Variants in DOCK8 observed in about 807,000 individuals in gnomAD.
DOCK8 encodes the protein dedicator of cytokinesis 8.
A neutral mutation model predicts 245.6 loss-of-function variants in DOCK8; 141 were observed. The ratio of observed to expected loss-of-function variants is 0.57; its 90% confidence interval spans 0.50 to 0.66. DOCK8 has a LOEUF of 0.66. DOCK8 is among the 30% of genes least tolerant of loss of function. DOCK8 has a pLI of 0.00. For missense variants in DOCK8, 2,965 were observed against 2,603.4 expected (o/e 1.14, Z -3.02); for synonymous variants, 1,168 against 970.2 (o/e 1.20, Z -3.79).
At chr9:368,700 A>G (rs2053137205) in intron 15 of DOCK8, 1 of 151,722 alleles carries the variant, frequency 6.6e-6, no homozygotes, top group South Asian at 2.1e-4. Context: ...TGCTCCAAGG[A>G]ACTCAAAATG....
At chr9:330,990 C>T (rs1240879690) in intron 9 of DOCK8, among the ~76,000 whole-genome samples, 1 of 152,168 alleles carries the variant, frequency 6.6e-6, no homozygotes, top group Non-Finnish European at 1.5e-5. Flanking sequence ...GTGCATGAAG[C>T]CGTGGCATTC....
intron 14 of DOCK8, among the ~76,000 whole-genome samples, chr9:361,094 A>T (rs1313041209): frequency 6.6e-6 from 1 of 152,140 alleles, no homozygotes; most frequent in East Asian, 1.9e-4. Context: ...TTGAGCCCAG[A>T]AAGTTGAGGC....
chr9:429,562 T>C, intron 35 of DOCK8, 140 bp from the exon 36 acceptor site: 1 of 974,852 alleles, frequency 1.0e-6, no homozygotes, highest in South Asian at 1.4e-5. Context: ...CTGATTCACA[T>C]AGCTCATTAT....
intron 1 of DOCK8, among the ~76,000 whole-genome samples, chr9:219,900 A>G (rs1029655721): frequency 6.6e-6 from 1 of 152,214 alleles, no homozygotes; most frequent in African/African-American, 2.4e-5. Context: ...CTATTTCAAA[A>G]AAAAAGGAAC....
intron 14 of DOCK8, among the ~76,000 whole-genome samples, chr9:345,507 G>C (rs547365710): frequency 2.0e-5 from 3 of 152,318 alleles, no homozygotes; most frequent in African/African-American, 4.8e-5. Context: ...TTGAGTGCCA[G>C]TGGTAACCAG....
At chr9:446,199 G>A (rs368480974) in intron 43 of DOCK8, among the ~76,000 whole-genome samples, 171 bp from the exon 44 acceptor site, 6 of 152,184 alleles carry the variant, frequency 3.9e-5, no homozygotes, top group Non-Finnish European at 7.4e-5. Flanking sequence ...TCTGTCCTTG[G>A]GGGTGGAGAG....
intron 15 of DOCK8, 60 bp from the exon 16 acceptor site, chr9:370,170 A>AG: frequency 7.3e-7 from 1 of 1,364,960 alleles, no homozygotes; most frequent in Non-Finnish European, 1.0e-6. Context: ...GCCTGATGAT[A>AG]GTCAATTTGA....
At chr9:340,719 T>C (rs2051545265) in intron 14 of DOCK8, 1 of 191,854 alleles carries the variant, frequency 5.2e-6, no homozygotes, top group Non-Finnish European at 1.1e-5. Context: ...TCAACCTGTC[T>C]TCCTACTTCC....
chr9:235,319 C>T (rs1444874584), intron 1 of DOCK8, among the ~76,000 whole-genome samples: 1 of 152,170 alleles, frequency 6.6e-6, no homozygotes, highest in Non-Finnish European at 1.5e-5. Flanking sequence ...TGGGGGGTGC[C>T]TCCCAGTTGG....
intron 4 of DOCK8, among the ~76,000 whole-genome samples, chr9:289,884 T>C (rs532887393): frequency 6.6e-6 from 1 of 152,326 alleles, no homozygotes; most frequent in Admixed American, 6.5e-5. Context: ...TCTATGGGTT[T>C]TGACAAATGT....
chr9:396,846 G>T lies in DOCK8; in HGVS notation c.3032G>T (p.Arg1011Leu), dbSNP rs775921392. Residue 1011 changes from arginine to leucine, a missense_variant, in exon 25 of 48, where the codon CGT becomes CTT. Transcript: ENST00000432829. Reference protein sequence around the residue: ...MDKRDSFRRTRFSDRFMDDIT... With the variant: ...MDKRDSFRRTLFSDRFMDDIT... ...AAACGGGACAGTTTTCGGAGGACTC[G>T]TTTTTCTGACCGTTTCATGGATGAC... 2.5e-6 allele frequency: 4 copies of T among 1,614,084 alleles called. No individual in the cohort carries two copies. The East Asian group carries it at 8.9e-5, about 36-fold the overall frequency.
chr9:402,894 A>AT (rs1453492558), intron 26 of DOCK8, among the ~76,000 whole-genome samples: 3 of 151,488 alleles, frequency 2.0e-5, no homozygotes, highest in African/African-American at 4.9e-5. Context: ...TGAAATGTCT[A>AT]TTTTTTTTCT....
chr9:275,023 C>G (rs1356618705), intron 2 of DOCK8, among the ~76,000 whole-genome samples: 1 of 152,152 alleles, frequency 6.6e-6, no homozygotes, highest in African/African-American at 2.4e-5. Flanking sequence ...GAGTGAAGAG[C>G]TTGGAGTCAG....
At chr9:288,982 C>T (rs776343945) in intron 3 of DOCK8, among the ~76,000 whole-genome samples, 4 of 152,174 alleles carry the variant, frequency 2.6e-5, no homozygotes, top group Non-Finnish European at 5.9e-5. Flanking sequence ...GAGTATTGCT[C>T]ATGGTGCATT....
At chr9:442,889 G>T (rs1443466321) in intron 42 of DOCK8, among the ~76,000 whole-genome samples, 1 of 152,076 alleles carries the variant, frequency 6.6e-6, no homozygotes, top group Admixed American at 6.5e-5. Flanking sequence ...CTCCATCCAT[G>T]CCAAAAAAGA....
At chr9:249,556 A>G (rs1329114862) in intron 1 of DOCK8, among the ~76,000 whole-genome samples, 1 of 152,182 alleles carries the variant, frequency 6.6e-6, no homozygotes, top group Non-Finnish European at 1.5e-5. Flanking sequence ...TATTAAGAGT[A>G]AAAACTATTA....
intron 28 of DOCK8, among the ~76,000 whole-genome samples, chr9:411,183 C>T (rs141884561): frequency 0.024 from 3,650 of 152,118 alleles, 147 homozygotes; most frequent in African/African-American, 0.082. Flanking sequence ...GTGGCCAAGG[C>T]GAGTGGATCA....
intron 11 of DOCK8, among the ~76,000 whole-genome samples, chr9:335,629 A>G (rs1230628361): frequency 1.3e-5 from 2 of 152,092 alleles, no homozygotes; most frequent in African/African-American, 2.4e-5. Context: ...TAACTTATTG[A>G]TAAGAGTTAT....
intron 33 of DOCK8, among the ~76,000 whole-genome samples, chr9:425,402 G>C (rs538567198): frequency 3.3e-5 from 5 of 151,970 alleles, no homozygotes; most frequent in Non-Finnish European, 5.9e-5. Flanking sequence ...CGCGGTGGCG[G>C]GCGCCTGTAG....
Sources: allele counts gnomAD v4.1 joint callset (sites outside exome capture counted in the v4.1 genomes callset), GRCh38; gene constraint gnomAD v4.1.1; transcripts MANE v1.5; gene names NCBI Gene and HGNC (gene_info 2026-07-23, HGNC 2026-07-21).